Variants in LPP observed in about 807,000 individuals in gnomAD.
LPP encodes LIM domain containing preferred translocation partner in lipoma.
In LPP, 38 loss-of-function variants were observed where a neutral mutation model predicts 60.4. That is an observed-to-expected ratio of 0.63 (90% CI 0.49 to 0.83). The LOEUF is 0.83. LPP is among the 40% of genes least tolerant of loss of function. The pLI is 0.00. For synonymous variants in LPP, 328 were observed against 290.8 expected (o/e 1.13, Z -1.30); for missense variants, 902 against 783.6 (o/e 1.15, Z -1.80).
intron 6 of LPP, among the ~76,000 whole-genome samples, chr3:188,569,522 A>G (rs1833020101): frequency 6.6e-6 from 1 of 152,138 alleles, no homozygotes; most frequent in South Asian, 2.1e-4. Flanking sequence ...TAAAAATTAT[A>G]ATTAAATAAA....
chr3:188,297,938 C>T (rs1365195468), intron 2 of LPP, among the ~76,000 whole-genome samples: 2 of 152,108 alleles, frequency 1.3e-5, no homozygotes, highest in African/African-American at 2.4e-5. Flanking sequence ...GAATTGGGAG[C>T]CTATGACAAA....
At chr3:188,790,821 C>CAAA (rs11433572) in intron 9 of LPP, among the ~76,000 whole-genome samples, 66 of 146,452 alleles carry the variant, frequency 4.5e-4, no homozygotes, top group Middle Eastern at 3.6e-3. Context: ...ACTCTGTCTC[C>CAAA]AAAAAAAAAA....
intron 7 of LPP, among the ~76,000 whole-genome samples, chr3:188,680,317 C>G (rs1034218874): frequency 6.6e-6 from 1 of 152,138 alleles, no homozygotes; most frequent in Admixed American, 6.5e-5. Context: ...TGTCTCAGTT[C>G]TCTGTGACTT....
intron 4 of LPP, among the ~76,000 whole-genome samples, chr3:188,456,373 A>G (rs1000624837): frequency 1.3e-5 from 2 of 152,274 alleles, no homozygotes; most frequent in Non-Finnish European, 2.9e-5. Context: ...AGTTTACACC[A>G]ACAGGGACCT....
chr3:188,712,084 G>A (rs1053468731), intron 8 of LPP: 24 of 152,190 alleles, frequency 1.6e-4, no homozygotes, highest in African/African-American at 4.3e-4. Context: ...GGCTGTCAAT[G>A]TCCGGCTAAA....
At chr3:188,350,616 T>A (rs1299121365) in intron 3 of LPP, among the ~76,000 whole-genome samples, 1 of 152,146 alleles carries the variant, frequency 6.6e-6, no homozygotes, top group Non-Finnish European at 1.5e-5. Context: ...TTCTACAAAG[T>A]CTCTTATCAC....
At chr3:188,228,423 C>T (rs1718624868) in intron 2 of LPP, among the ~76,000 whole-genome samples, 2 of 152,130 alleles carry the variant, frequency 1.3e-5, no homozygotes, top group Admixed American at 1.3e-4. Flanking sequence ...GGCTGACTCT[C>T]TGTTAGGGAG....
chr3:188,461,605 G>A (rs945114364), intron 4 of LPP, among the ~76,000 whole-genome samples: 2 of 152,124 alleles, frequency 1.3e-5, no homozygotes, highest in Non-Finnish European at 2.9e-5. Context: ...ATGTCTAACA[G>A]CATAGATTAG....
chr3:188,289,089 A>C (rs1310036931), intron 2 of LPP, among the ~76,000 whole-genome samples: 1 of 152,106 alleles, frequency 6.6e-6, no homozygotes, highest in Non-Finnish European at 1.5e-5. Context: ...TTGAGAATAA[A>C]GTTTTGAGTG....
At chr3:188,828,571 C>T (rs545460419) in intron 9 of LPP, among the ~76,000 whole-genome samples, 136 of 132,956 alleles carry the variant, frequency 1.0e-3, no homozygotes, top group African/African-American at 3.0e-3. Flanking sequence ...GCAGAGATCA[C>T]GCCATTGCAC....
chr3:188,884,002 GCTT>G lies in LPP; in HGVS notation c.*9529_*9531del, dbSNP rs1294365832. On this transcript the variant is annotated 3_prime_UTR_variant, in exon 12 of 12. Coordinates refer to ENST00000617246, the MANE Select transcript of LPP (RefSeq NM_001375462.1). Reference sequence around the variant, plus strand: ...TGTCATGGGGAAGACCATGATTGTGGCTTCTTCTACCCCAACTTTGAATGAGAG... The same window carrying G: ...TGTCATGGGGAAGACCATGATTGTGGCTTCTACCCCAACTTTGAATGAGAG... 3 of 219,948 alleles carry G rather than the reference GCTT, an allele frequency of 1.4e-5. No individual in the cohort carries two copies. The highest frequency in any genetic ancestry group is 2.7e-5 in the Non-Finnish European group (3 of 109,870). The allele number at this position is 219,948 out of a possible 1,614,324, so 13.6% of individuals were successfully genotyped here.
intron 10 of LPP, among the ~76,000 whole-genome samples, chr3:188,870,744 G>A (rs901092363): frequency 6.6e-6 from 1 of 152,156 alleles, no homozygotes; most frequent in African/African-American, 2.4e-5. Context: ...AGCCCTCCTC[G>A]AATTGCTATC....
At chr3:188,183,416 G>A (rs537075974) in intron 1 of LPP, among the ~76,000 whole-genome samples, 1 of 152,282 alleles carries the variant, frequency 6.6e-6, no homozygotes, top group South Asian at 2.1e-4. Context: ...TGTAAAGGCA[G>A]GTGTGAAAGA....
chr3:188,240,224 A>G (rs2149442816), intron 2 of LPP: 2 of 177,272 alleles, frequency 1.1e-5, no homozygotes, highest in East Asian at 9.6e-5. Flanking sequence ...CTAATTTAAA[A>G]ATCCTTTTGG....
intron 7 of LPP, among the ~76,000 whole-genome samples, chr3:188,617,359 A>G (rs13316519): frequency 0.37 from 55,994 of 152,020 alleles, 11,062 homozygotes; most frequent in East Asian, 0.78. Flanking sequence ...GTTCTTCTCT[A>G]TATTGGTTAA....
intron 2 of LPP, among the ~76,000 whole-genome samples, chr3:188,316,172 G>A (rs1458621496): frequency 3.3e-5 from 5 of 152,292 alleles, no homozygotes; most frequent in East Asian, 1.9e-4. Flanking sequence ...CAGCTACTCC[G>A]GAGGCTGAGG....
intron 3 of LPP, among the ~76,000 whole-genome samples, chr3:188,371,408 A>T (rs992005400): frequency 1.3e-5 from 2 of 151,346 alleles, no homozygotes; most frequent in Non-Finnish European, 2.9e-5. Flanking sequence ...AAGAGGGGAG[A>T]TTTGTTAATT....
rs1278423055 is a variant in LPP at position 188,890,308 on chromosome 3, A to G, written c.*15829A>G. Reference sequence around the variant, plus strand: ...GTCTATTTTCATATGTGTGATACTGACAGAGCCATGGTATTCCTAAAATAT... The same window carrying G: ...GTCTATTTTCATATGTGTGATACTGGCAGAGCCATGGTATTCCTAAAATAT... On this transcript the variant is annotated 3_prime_UTR_variant, in exon 12 of 12. Coordinates refer to ENST00000617246, the MANE Select transcript of LPP (RefSeq NM_001375462.1). 4.8e-6 allele frequency: 1 copy of G among 208,208 alleles called. No homozygotes were observed. The highest frequency in any genetic ancestry group is 9.8e-6 in the Non-Finnish European group (1 of 102,092). The allele number at this position is 208,208 out of a possible 1,614,324, so 12.9% of individuals were successfully genotyped here. A position where few individuals can be genotyped will look rare whatever the true frequency, so the allele number is the denominator to read the frequency against.
At chr3:188,535,183 T>C (rs1358330927) in intron 6 of LPP, among the ~76,000 whole-genome samples, 1 of 152,196 alleles carries the variant, frequency 6.6e-6, no homozygotes, top group Admixed American at 6.5e-5. Context: ...ACCTAAGTTA[T>C]GGGGTCATGT....
Sources: allele counts gnomAD v4.1 joint callset (sites outside exome capture counted in the v4.1 genomes callset), GRCh38; gene constraint gnomAD v4.1.1; transcripts MANE v1.5; gene names NCBI Gene and HGNC (gene_info 2026-07-23, HGNC 2026-07-21).